Variants in EYS observed in about 807,000 individuals in gnomAD.
EYS encodes the protein protein eyes shut homolog.
In EYS, 250 loss-of-function variants were observed where a neutral mutation model predicts 282.1. That is an observed-to-expected ratio of 0.89 (90% CI 0.80 to 0.98). The LOEUF (loss-of-function observed/expected upper bound fraction) is 0.98, where lower values mean the gene tolerates loss of function less well. EYS is among the 50% of genes least tolerant of loss of function. The pLI, the probability that EYS is intolerant of heterozygous loss-of-function variation, is 0.00. For synonymous variants in EYS, 1,355 were observed against 1,282.9 expected (o/e 1.06, Z -1.20); for missense variants, 4,016 against 3,709.0 (o/e 1.08, Z -2.15).
intron 33 of EYS, among the ~76,000 whole-genome samples, chr6:64,002,237 C>A (rs1768131365): frequency 6.6e-6 from 1 of 152,192 alleles, no homozygotes; most frequent in Non-Finnish European, 1.5e-5. Context: ...AGACCATCTT[C>A]CCACTCCATC....
At chr6:65,506,699 T>G (rs1766673231) in intron 2 of EYS, among the ~76,000 whole-genome samples, 1 of 151,814 alleles carries the variant, frequency 6.6e-6, no homozygotes, top group Admixed American at 6.6e-5. Flanking sequence ...CTTGAACTCC[T>G]GCCTTCAAAT....
chr6:65,390,568 GA>G lies in EYS; in HGVS notation c.1185-6069del, dbSNP rs112040058. ...AAAAACTGTCCTCAGGTTTCAGTGA[GA>G]AAAAAAAAAGAAAGTGTAGAAAAAA... On this transcript the variant is annotated intron_variant, in intron 7 of 42. Transcript: ENST00000503581. Among the ~76,000 whole-genome samples, 422 of 148,182 alleles carry G rather than the reference GA, an allele frequency of 2.8e-3. 4 individuals carry two copies. The highest frequency in any genetic ancestry group is 1.0e-2 in the African/African-American group (404 of 40,456).
At chr6:63,987,647 C>T (rs922930244) in intron 34 of EYS, among the ~76,000 whole-genome samples, 1 of 151,752 alleles carries the variant, frequency 6.6e-6, no homozygotes, top group East Asian at 1.9e-4. Context: ...GGTAACATCT[C>T]TGATATCCCA....
At position 65,119,971 on chromosome 6, in the gene EYS, C is replaced by G. The variant is rs539006481; in HGVS notation, c.2024-62244G>C. 7.9e-5 allele frequency among the ~76,000 whole-genome samples: 12 copies of G among 151,480 alleles called. No homozygotes were observed. In the South Asian group the frequency reaches 8.3e-4, roughly 11 times the overall value. ...GCTAAGACCGTGAAACCTACCCCCC[C>G]TCCCCGTCTCTACTAAAAATACAAA... is the stretch of plus-strand genomic sequence containing the variant. On this transcript the variant is annotated intron_variant, in intron 12 of 42. Coordinates refer to ENST00000503581, the MANE Select transcript of EYS (RefSeq NM_001142800.2).
At chr6:64,970,075 AT>A (rs1414722727) in intron 14 of EYS, among the ~76,000 whole-genome samples, 1 of 152,126 alleles carries the variant, frequency 6.6e-6, no homozygotes, top group Admixed American at 6.6e-5. Flanking sequence ...TTCAATAAGT[AT>A]TGTTGGAAAA....
chr6:65,646,032 TA>T (rs1228422076), intron 1 of EYS, among the ~76,000 whole-genome samples: 4 of 151,820 alleles, frequency 2.6e-5, no homozygotes, highest in South Asian at 2.1e-4. Context: ...GAAATGGTAA[TA>T]AAAAAAATTC....
At chr6:64,621,147 T>A (rs1020264294) in intron 23 of EYS, among the ~76,000 whole-genome samples, 4 of 152,148 alleles carry the variant, frequency 2.6e-5, no homozygotes, top group African/African-American at 9.7e-5. Flanking sequence ...ACTAGAGTGA[T>A]CTTAAGTTGA....
chr6:65,102,906 T>C (rs78371345), intron 12 of EYS, among the ~76,000 whole-genome samples: 5,508 of 151,522 alleles, frequency 0.036, 345 homozygotes, highest in African/African-American at 0.13. Context: ...TAGTTTTCTT[T>C]AAATTTGTTC....
intron 2 of EYS, among the ~76,000 whole-genome samples, chr6:65,635,700 G>C (rs1231694540): frequency 6.6e-6 from 1 of 152,126 alleles, no homozygotes; most frequent in Non-Finnish European, 1.5e-5. Flanking sequence ...TCAGGCTAGG[G>C]GGAAGAGCTA....
intron 26 of EYS, among the ~76,000 whole-genome samples, chr6:64,562,930 T>A (rs56901344): frequency 0.03 from 4,616 of 152,084 alleles, 155 homozygotes; most frequent in East Asian, 0.11. Flanking sequence ...AATTATTCTC[T>A]ATAAATTGCA....
At chr6:65,493,076 C>T (rs1050607274) in intron 4 of EYS, among the ~76,000 whole-genome samples, 1 of 152,114 alleles carries the variant, frequency 6.6e-6, no homozygotes, top group African/African-American at 2.4e-5. Flanking sequence ...CCATTATGCC[C>T]AGCTAATTTT....
At chr6:64,762,653 T>A (rs1300208491) in intron 22 of EYS, among the ~76,000 whole-genome samples, 1 of 152,052 alleles carries the variant, frequency 6.6e-6, no homozygotes, top group East Asian at 1.9e-4. Flanking sequence ...TATTTTTACA[T>A]CATGTTGGAG....
chr6:64,589,804 G>T (rs1415963778), intron 26 of EYS, among the ~76,000 whole-genome samples: 1 of 151,924 alleles, frequency 6.6e-6, no homozygotes, highest in Non-Finnish European at 1.5e-5. Flanking sequence ...AAGTTCCAGT[G>T]ATTTCCTCTT....
chr6:65,519,704 A>ATTTTTTTTTTT (rs1562237544), intron 2 of EYS, among the ~76,000 whole-genome samples: 1 of 36,240 alleles, frequency 2.8e-5, no homozygotes, highest in Non-Finnish European at 4.5e-5. Flanking sequence ...ATATATATAT[A>ATTTTTTTTTTT]TATATTTTTT....
intron 36 of EYS, among the ~76,000 whole-genome samples, chr6:63,826,845 C>CAAAAAAAAAAAAAAAAAAAAACAAAAAAA (rs59957107): frequency 1.3e-5 from 1 of 76,762 alleles, no homozygotes; most frequent in Non-Finnish European, 2.5e-5. Context: ...AGTTAAAAAG[C>CAAAAAAAAAAAAAAAAAAAAACAAAAAAA]AAAAAAAAAA....
At chr6:63,886,828 AG>A (rs1179705636) in intron 35 of EYS, among the ~76,000 whole-genome samples, 1 of 152,224 alleles carries the variant, frequency 6.6e-6, no homozygotes, top group Non-Finnish European at 1.5e-5. Context: ...AAGTGCAAAA[AG>A]TACAATAGTG....
chr6:64,590,908 A>C lies in EYS; in HGVS notation c.4959T>G (p.Ser1653Arg). 6.4e-7 allele frequency: 1 copy of C among 1,550,538 alleles called. No individual in the cohort carries two copies. Among genetic ancestry groups the C allele is most frequent in the Non-Finnish European group, 8.7e-7 (1 of 1,146,540 alleles). The change falls in exon 26 of 43, where the codon AGT becomes AGG. Residue 1653 changes from serine (S) to arginine (R), a missense_variant. Transcript: ENST00000503581. ...SSLEESITLSSNLDVNLCLDK... is the reference protein window; with the variant it reads ...SSLEESITLSRNLDVNLCLDK... ...CCAAACATAAATTAACATCCAAATT[A>C]CTTGATAGGGTAATGGATTCTTCCA... is the stretch of plus-strand genomic sequence containing the variant.
chr6:65,073,991 A>C (rs1213817139), intron 12 of EYS, among the ~76,000 whole-genome samples: 3 of 152,074 alleles, frequency 2.0e-5, no homozygotes, highest in Non-Finnish European at 4.4e-5. Flanking sequence ...GCCACTGGGC[A>C]CATGGAAGAT....
chr6:65,067,772 T>C (rs1773789924), intron 12 of EYS, among the ~76,000 whole-genome samples: 2 of 152,154 alleles, frequency 1.3e-5, no homozygotes, highest in African/African-American at 4.8e-5. Flanking sequence ...AAGACCCTCC[T>C]ACCAAACTCA....
Sources: allele counts gnomAD v4.1 joint callset (sites outside exome capture counted in the v4.1 genomes callset), GRCh38; gene constraint gnomAD v4.1.1; transcripts MANE v1.5; gene names NCBI Gene and HGNC (gene_info 2026-07-23, HGNC 2026-07-21).